The following UNC13C variants were observed in gnomAD, a reference collection of about 807,000 sequenced individuals.
The protein encoded by UNC13C is unc-13 homolog C.
In UNC13C, 174 loss-of-function variants were observed where a neutral mutation model predicts 245.4. That is an observed-to-expected ratio of 0.71 (90% CI 0.63 to 0.80). The LOEUF (loss-of-function observed/expected upper bound fraction) is 0.80. UNC13C is among the 30% of genes least tolerant of loss of function. The probability of loss-of-function intolerance (pLI) is 0.00; values close to 1 mark genes in which losing one functional copy is unlikely to be tolerated. For missense variants in UNC13C, 2,829 were observed against 2,602.9 expected, an observed-to-expected ratio of 1.09 and a Z score of -1.89; for synonymous variants, 992 against 895.1, an observed-to-expected ratio of 1.11 and a Z score of -1.93.
intron 29 of UNC13C, among the ~76,000 whole-genome samples, chr15:54,560,398 G>A (rs1344594574): frequency 6.6e-6 from 1 of 151,748 alleles, no homozygotes; most frequent in East Asian, 1.9e-4. Context: ...TGCCAAGCAT[G>A]CAGGCAATAT....
intron 4 of UNC13C, among the ~76,000 whole-genome samples, chr15:54,206,137 T>C (rs1191922546): frequency 6.6e-6 from 1 of 152,100 alleles, no homozygotes; most frequent in Non-Finnish European, 1.5e-5. Context: ...TTATTCCTGA[T>C]GTTATGCACA....
At chr15:54,169,363 C>T (rs1234506254) in intron 4 of UNC13C, among the ~76,000 whole-genome samples, 1 of 152,162 alleles carries the variant, frequency 6.6e-6, no homozygotes, top group Non-Finnish European at 1.5e-5. Flanking sequence ...CAACCTCTTC[C>T]TAAATATCGG....
the UNC13C span, among the ~76,000 whole-genome samples, chr15:53,927,611 G>T: frequency 1.3e-5 from 2 of 152,208 alleles, no homozygotes; most frequent in African/African-American, 4.8e-5. Context: ...TGTGGAATAT[G>T]AAGGTGCCAT....
At chr15:54,524,527 G>C (rs906582866) in intron 24 of UNC13C, among the ~76,000 whole-genome samples, 3 of 152,156 alleles carry the variant, frequency 2.0e-5, no homozygotes, top group Non-Finnish European at 4.4e-5. Flanking sequence ...GGACAACTTA[G>C]AGCTACCCAG....
intron 29 of UNC13C, among the ~76,000 whole-genome samples, chr15:54,566,157 C>G (rs1450689353): frequency 6.6e-6 from 1 of 151,948 alleles, no homozygotes; most frequent in East Asian, 1.9e-4. Context: ...ATTATGTAAA[C>G]AGTCCTCCAG....
rs542393366 is a variant in UNC13C, at chr15:54,136,911, G to T, written c.2984-6107G>T. Among the ~76,000 whole-genome samples, 3 of 151,816 alleles carry T rather than the reference G, an allele frequency of 2.0e-5. No homozygotes were observed. In the East Asian group the frequency reaches 5.8e-4, roughly 30 times the overall value. On this transcript the variant is annotated intron_variant, in intron 2 of 32. Transcript: ENST00000260323. ...CCCAGGAGTGCAGTGGTACCATCTA[G>T]GCTCACTGCAGCCTCAATATTCTCA...
chr15:54,028,089 ATGGT>A (rs1234800234), intron 2 of UNC13C, among the ~76,000 whole-genome samples: 6 of 152,146 alleles, frequency 3.9e-5, no homozygotes, highest in African/African-American at 1.4e-4. Flanking sequence ...GCAGCTGCCC[ATGGT>A]TTAAGTACCA....
chr15:53,896,848 G>C, the UNC13C span, among the ~76,000 whole-genome samples: 3 of 152,098 alleles, frequency 2.0e-5, no homozygotes, highest in South Asian at 6.2e-4. Flanking sequence ...AAGGTGAATA[G>C]AAACATCAGA....
At chr15:54,251,137 G>T (rs1012029273) in intron 8 of UNC13C, among the ~76,000 whole-genome samples, 11 of 152,076 alleles carry the variant, frequency 7.2e-5, no homozygotes, top group African/African-American at 2.7e-4. Context: ...CCCCAAACAG[G>T]GATCAAGATA....
the UNC13C span, among the ~76,000 whole-genome samples, chr15:53,935,913 C>T: frequency 3.2e-4 from 48 of 152,234 alleles, no homozygotes; most frequent in Admixed American, 1.4e-3. Context: ...CACTCCAGCA[C>T]GCACAGAAAC....
chr15:54,214,362 C>T (rs4283168), intron 4 of UNC13C, among the ~76,000 whole-genome samples: 3 of 151,578 alleles, frequency 2.0e-5, no homozygotes, highest in Non-Finnish European at 2.9e-5. Context: ...CTAAACTACT[C>T]GGTGAGATGT....
At chr15:54,414,761 T>A (rs1044766161) in intron 18 of UNC13C, among the ~76,000 whole-genome samples, 1 of 152,120 alleles carries the variant, frequency 6.6e-6, no homozygotes, top group Non-Finnish European at 1.5e-5. Context: ...GGCACTGATA[T>A]AATGAAGTCT....
chr15:53,884,760 T>C, the UNC13C span, among the ~76,000 whole-genome samples: 1 of 152,196 alleles, frequency 6.6e-6, no homozygotes, highest in African/African-American at 2.4e-5. Context: ...ACTTACTCTT[T>C]TGGAATTTTA....
At chr15:53,928,745 A>G in the UNC13C span, among the ~76,000 whole-genome samples, 1 of 152,204 alleles carries the variant, frequency 6.6e-6, no homozygotes, top group Non-Finnish European at 1.5e-5. Flanking sequence ...GCATTTCTGG[A>G]GGTACTGCTG....
chr15:54,102,440 T>C (rs993553738), intron 2 of UNC13C, among the ~76,000 whole-genome samples: 7 of 152,222 alleles, frequency 4.6e-5, no homozygotes, highest in Non-Finnish European at 1.0e-4. Flanking sequence ...CTGTACGACA[T>C]GCTTGTGTAT....
chr15:53,889,056 G>C, the UNC13C span, among the ~76,000 whole-genome samples: 2 of 151,936 alleles, frequency 1.3e-5, no homozygotes, highest in Non-Finnish European at 2.9e-5. Flanking sequence ...TCCATATGAA[G>C]TTTAAAGTAG....
In UNC13C at chr15:54,026,775, T is replaced by C. The variant is rs777068317; in HGVS notation, c.2983+10889T>C. The stretch of plus-strand genomic sequence containing the variant: ...TTCCTCTGTCAAACCTAGACTGTTA[T>C]ATATATTTATTCTTTCAGTCATTAA... On this transcript the variant is annotated intron_variant, in intron 2 of 32. Coordinates refer to ENST00000260323, the MANE Select transcript of UNC13C (RefSeq NM_001080534.3). Among the ~76,000 whole-genome samples the C allele has an allele frequency of 4.2e-4, 64 of 152,338 alleles. 1 individual carries two copies. The highest frequency in any genetic ancestry group is 2.8e-3 in the Admixed American group (43 of 15,298).
In UNC13C at chr15:54,015,407, C is replaced by T; in HGVS notation, c.2504C>T (p.Thr835Ile). The T allele has an allele frequency of 1.2e-6, 2 of 1,613,714 alleles. No homozygotes were observed. The highest frequency in any genetic ancestry group is 1.7e-6 in the Non-Finnish European group (2 of 1,179,824). ...SGSSLMGRFR[T>I]LSQSTANESS... ...TCTTCATTAATGGGGAGATTTCGGACATTATCTCAATCAACTGCAAATGAG... is the reference window on the plus strand; with the variant it reads ...TCTTCATTAATGGGGAGATTTCGGATATTATCTCAATCAACTGCAAATGAG... Residue 835 changes from threonine to isoleucine, a missense_variant, in exon 2 of 33, where the codon ACA (threonine) becomes ATA (isoleucine). Physicochemically the swap from Thr to Ile is moderately conservative, Grantham distance 89. Coordinates refer to ENST00000260323, the MANE Select transcript of UNC13C (RefSeq NM_001080534.3).
intron 13 of UNC13C, among the ~76,000 whole-genome samples, chr15:54,309,428 C>T (rs2037810909): frequency 6.6e-6 from 1 of 151,730 alleles, no homozygotes; most frequent in South Asian, 2.1e-4. Flanking sequence ...GTATAGTTGG[C>T]AAATTTTTTC....
Sources: allele counts gnomAD v4.1 joint callset (sites outside exome capture counted in the v4.1 genomes callset), GRCh38; gene constraint gnomAD v4.1.1; transcripts MANE v1.5; gene names NCBI Gene and HGNC (gene_info 2026-07-23, HGNC 2026-07-21).